TPH2: variants seen among roughly 807,000 people sequenced by gnomAD.
TPH2 encodes tryptophan 5-hydroxylase 2.
A neutral mutation model predicts 59.1 loss-of-function variants in TPH2; 27 were observed. That is an observed-to-expected ratio of 0.46 (90% CI 0.34 to 0.63). TPH2 has a LOEUF of 0.63. Among genes scored for constraint, TPH2 ranks in the 30% least tolerant of loss-of-function variants. TPH2 has a pLI of 0.01. For missense variants in TPH2, 523 were observed against 588.3 expected, an observed-to-expected ratio of 0.89 and a Z score of 1.15; for synonymous variants, 220 against 210.5, an observed-to-expected ratio of 1.05 and a Z score of -0.39.
At chr12:72,025,741 T>G (rs993255600) in intron 9 of TPH2, among the ~76,000 whole-genome samples, 2 of 152,150 alleles carry the variant, frequency 1.3e-5, no homozygotes, top group African/African-American at 4.8e-5. Flanking sequence ...CAATTAACAA[T>G]GAGCTGAGTC....
At chr12:72,017,654 G>A (rs1873296614) in intron 8 of TPH2, among the ~76,000 whole-genome samples, 1 of 152,042 alleles carries the variant, frequency 6.6e-6, no homozygotes, top group African/African-American at 2.4e-5. Flanking sequence ...ACAAGTCTCA[G>A]CATATTTTTA....
intron 7 of TPH2, among the ~76,000 whole-genome samples, chr12:71,994,073 A>C (rs1260209762): frequency 2.6e-5 from 4 of 152,212 alleles, no homozygotes; most frequent in Non-Finnish European, 5.9e-5. Flanking sequence ...TTGTTTGCCT[A>C]TCCCTGATCT....
chr12:72,008,266 T>G (rs1183358369), intron 8 of TPH2, among the ~76,000 whole-genome samples: 3 of 152,218 alleles, frequency 2.0e-5, no homozygotes, highest in Non-Finnish European at 2.9e-5. Context: ...TTCAGGAAAC[T>G]TTTGCATCTA....
chr12:71,998,801 C>T (rs1315080071), intron 8 of TPH2, among the ~76,000 whole-genome samples: 1 of 152,062 alleles, frequency 6.6e-6, no homozygotes, highest in African/African-American at 2.4e-5. Context: ...GGAAAATGAG[C>T]AATGAGATGC....
intron 8 of TPH2, 130 bp downstream of exon 8, chr12:71,994,695 A>G (rs1319017683): frequency 1.1e-5 from 13 of 1,157,986 alleles, no homozygotes; most frequent in Non-Finnish European, 1.5e-5. Flanking sequence ...ACCTTTTCCT[A>G]TGTTGTATTC....
At position 71,961,413 on chromosome 12, in the gene TPH2, A is replaced by C. The variant is rs907296212; in HGVS notation, c.609-11106A>C. On this transcript the variant is annotated intron_variant, in intron 5 of 10. Transcript: ENST00000333850. Reference sequence around the variant, plus strand: ...TAATTTGCACAAGACCATGAGCTGTAGGATAATCACGCTTCTTCATCTATC... The same window carrying C: ...TAATTTGCACAAGACCATGAGCTGTCGGATAATCACGCTTCTTCATCTATC... 4 of 641,770 alleles carry C rather than the reference A, an allele frequency of 6.2e-6. No individual in the cohort carries two copies. In the African/African-American group the frequency reaches 7.7e-5, roughly 12 times the overall value. The allele number at this position is 641,770 out of a possible 1,614,324, so 39.8% of individuals were successfully genotyped here. A position where few individuals can be genotyped will look rare whatever the true frequency, so the allele number is the denominator to read the frequency against.
intron 5 of TPH2, among the ~76,000 whole-genome samples, chr12:71,969,630 A>G (rs985038392): frequency 1.3e-5 from 2 of 152,224 alleles, no homozygotes; most frequent in Non-Finnish European, 2.9e-5. Context: ...ATATCCTACT[A>G]TGACATATAA....
intron 7 of TPH2, among the ~76,000 whole-genome samples, chr12:71,991,862 C>T (rs1339083701): frequency 6.6e-6 from 1 of 152,146 alleles, no homozygotes; most frequent in East Asian, 1.9e-4. Flanking sequence ...TACATAATCA[C>T]ATTCAGTTGT....
Position 71,972,515 on chromosome 12 carries a change from C to G in TPH2, c.609-4C>G, listed in dbSNP as rs1317262205. The G allele has an allele frequency of 6.2e-7, 1 of 1,614,036 alleles. No individual in the cohort carries two copies. Among genetic ancestry groups the G allele is most frequent in the Admixed American group, 1.7e-5 (1 of 60,018 alleles). Reference sequence around the variant, plus strand: ...ATTCATTTAGTTTCTTCTCTCCTGCCTAGTGGTCAGCCCATTCCCAGGGTG... The same window carrying G: ...ATTCATTTAGTTTCTTCTCTCCTGCGTAGTGGTCAGCCCATTCCCAGGGTG... On this transcript the variant is annotated splice_region_variant and splice_polypyrimidine_tract_variant and intron_variant, in intron 5 of 10. Transcript: ENST00000333850.
chr12:72,002,312 C>T (rs1240965039), intron 8 of TPH2, among the ~76,000 whole-genome samples: 1 of 151,854 alleles, frequency 6.6e-6, no homozygotes, highest in Non-Finnish European at 1.5e-5. Flanking sequence ...ACAGGTGTCA[C>T]TGGATGAGGG....
chr12:71,985,550 C>A (rs1872408085), intron 7 of TPH2, among the ~76,000 whole-genome samples: 2 of 152,102 alleles, frequency 1.3e-5, no homozygotes, highest in African/African-American at 4.8e-5. Flanking sequence ...AGGGGCCCGC[C>A]ACTATGTCTG....
chr12:71,938,882 C>CA lies in TPH2; in HGVS notation c.-103dup. ...AGCACCAGGGTTCTGGACAGCGCCC[C>CA]AAGCAGGCAGCTGATCGCACGCCCC... On this transcript the variant is annotated 5_prime_UTR_variant, in exon 1 of 11. Transcript: ENST00000333850. The CA allele has an allele frequency of 1.0e-6, 1 of 969,278 alleles. No homozygotes were observed. The highest frequency in any genetic ancestry group is 1.7e-6 in the Non-Finnish European group (1 of 603,828). 60.0% of individuals were successfully genotyped at this position (969,278 alleles called of 1,614,324 possible).
chr12:71,964,585 C>T (rs1871763912), intron 5 of TPH2: 1 of 985,256 alleles, frequency 1.0e-6, no homozygotes, highest in Non-Finnish European at 1.2e-6. Flanking sequence ...ATATTGTAGA[C>T]ACCTGGATGC....
chr12:71,965,448 T>C (rs1871792167), intron 5 of TPH2: 1 of 152,196 alleles, frequency 6.6e-6, no homozygotes, highest in Non-Finnish European at 1.5e-5. Flanking sequence ...CCAGCATCTG[T>C]TATTTTTTTG....
chr12:71,954,365 TAGA>T (rs1305334895), intron 5 of TPH2, among the ~76,000 whole-genome samples: 1 of 152,184 alleles, frequency 6.6e-6, no homozygotes, highest in Non-Finnish European at 1.5e-5. Context: ...TCATTCTTCA[TAGA>T]AGATCTGAGA....
chr12:71,940,372 A>G (rs185070611), intron 1 of TPH2, among the ~76,000 whole-genome samples: 42 of 152,158 alleles, frequency 2.8e-4, no homozygotes. Flanking sequence ...TAAAATCTCC[A>G]TCTCTATTAT....
At chr12:72,030,605 G>A (rs1206019500) in intron 9 of TPH2, among the ~76,000 whole-genome samples, 1 of 152,138 alleles carries the variant, frequency 6.6e-6, no homozygotes, top group Non-Finnish European at 1.5e-5. Context: ...CCTGCTCTTG[G>A]CATAACTCTG....
chr12:71,956,898 C>T (rs576756723), intron 5 of TPH2, among the ~76,000 whole-genome samples: 5 of 152,170 alleles, frequency 3.3e-5, no homozygotes, highest in Non-Finnish European at 7.4e-5. Flanking sequence ...GTGTGAGCCA[C>T]TGTGGCTGGC....
At chr12:71,969,140 G>T (rs1187938230) in intron 5 of TPH2, among the ~76,000 whole-genome samples, 2 of 152,034 alleles carry the variant, frequency 1.3e-5, no homozygotes, top group Admixed American at 6.5e-5. Context: ...AAAATTAGCC[G>T]GGCGTGGTGG....
Sources: gnomAD v4.1 joint callset for allele counts (sites outside exome capture counted in the v4.1 genomes callset) on GRCh38, gnomAD v4.1.1 for gene constraint, MANE v1.5 for transcripts, NCBI Gene and HGNC (gene_info 2026-07-23, HGNC 2026-07-21) for gene names.